STN1: variants seen among roughly 807,000 people sequenced by gnomAD.
STN1 encodes the protein STN1 subunit of CST complex.
In STN1, 29 loss-of-function variants were observed where a neutral mutation model predicts 45.5. That is an observed-to-expected ratio of 0.64 (90% CI 0.47 to 0.87). The LOEUF (loss-of-function observed/expected upper bound fraction) is 0.87. Ranked by LOEUF, STN1 falls within the 40% of genes least tolerant of loss-of-function variation. The pLI is 0.00. For synonymous variants in STN1, 148 were observed against 159.0 expected, an observed-to-expected ratio of 0.93 and a Z score of 0.52; for missense variants, 376 against 441.4, an observed-to-expected ratio of 0.85 and a Z score of 1.33.
In STN1 at chr10:103,910,568, A is replaced by T; in HGVS notation, c.188T>A (p.Val63Asp). 1 of 1,611,416 alleles carries T rather than the reference A, an allele frequency of 6.2e-7. No homozygotes were observed. Among genetic ancestry groups the T allele is most frequent in the South Asian group, 1.1e-5 (1 of 90,978 alleles). Residue 63 changes from valine to aspartate, a missense_variant, in exon 3 of 10, where the codon GTC becomes GAC. Coordinates refer to ENST00000224950, the MANE Select transcript of STN1 (RefSeq NM_024928.5). ...AGCATCTCTTTCTCTCACTCCAATG[A>T]CAGTTCCCAAGACATCTACCTGTTT... ...PIKQVDVLGT[V>D]IGVRERDAFY...
At chr10:103,910,389 G>T in intron 3 of STN1, 138 bp downstream of exon 3, 1 of 522,812 alleles carries the variant, frequency 1.9e-6, no homozygotes, top group Non-Finnish European at 3.5e-6. Flanking sequence ...GGCTATAAGG[G>T]GCACCCCATA....
In STN1 at chr10:103,880,517, ATCAGGAGCAAGCCTGGGG is replaced by A. The variant is rs368910386; in HGVS notation, c.*2149_*2166del. On this transcript the variant is annotated 3_prime_UTR_variant, in exon 10 of 10. Coordinates refer to ENST00000224950, the MANE Select transcript of STN1 (RefSeq NM_024928.5). ...AGGCATTTGGCTGCCTCATGTCACT[ATCAGGAGCAAGCCTGGGG>A]TCAGGAGTAATTGGGAGCCTGGCTT... 0.019 allele frequency among the ~76,000 whole-genome samples: 2,822 copies of A among 152,236 alleles called. 71 individuals carry two copies. Among genetic ancestry groups the A allele is most frequent in the African/African-American group, 0.065 (2,690 of 41,524 alleles).
intron 9 of STN1, 89 bp downstream of exon 9, chr10:103,888,983 G>T: frequency 1.1e-6 from 1 of 892,980 alleles, no homozygotes; most frequent in East Asian, 2.4e-5. Flanking sequence ...GAAAAGTCCC[G>T]GGTCTCCTGA....
Position 103,880,097 on chromosome 10 carries a change from C to T in STN1, c.*2587G>A, listed in dbSNP as rs1175408390. Among the ~76,000 whole-genome samples the T allele has an allele frequency of 1.3e-5, 2 of 152,204 alleles. No homozygotes were observed. Among genetic ancestry groups the T allele is most frequent in the African/African-American group, 2.4e-5 (1 of 41,458 alleles). On this transcript the variant is annotated 3_prime_UTR_variant, in exon 10 of 10. Coordinates refer to ENST00000224950, the MANE Select transcript of STN1 (RefSeq NM_024928.5). ...CTTCCACACTGGTTGAGTTCTTGCC[C>T]AGCACCAAAGAAGAATGAGAATGTG...
In STN1 at chr10:103,910,607, T is replaced by G. The variant is rs146909879; in HGVS notation, c.149A>C (p.Asn50Thr). The G allele has an allele frequency of 1.2e-6, 2 of 1,605,246 alleles. No individual in the cohort carries two copies. Among genetic ancestry groups the G allele is most frequent in the South Asian group, 2.2e-5 (2 of 90,760 alleles). Residue 50 changes from asparagine (N) to threonine (T), a missense_variant, in exon 3 of 10, where the codon AAT becomes ACT. Physicochemically the swap from Asn to Thr is moderately conservative, Grantham distance 65. Transcript: ENST00000224950. ...SRQVPGVFLY[N>T]GHPIKQVDVL... ...ATCTACCTGTTTTATTGGATGTCCA[T>G]TGTACAAAAATACACCTAAAATTTA... is the stretch of plus-strand genomic sequence containing the variant.
At chr10:103,899,983 T>A (rs745978437) in intron 5 of STN1, 79 bp downstream of exon 5, 61 of 1,412,810 alleles carry the variant, frequency 4.3e-5, no homozygotes, top group Non-Finnish European at 5.2e-5. Context: ...TTTGAAAGTT[T>A]GACTTCCAGC....
chr10:103,895,605 A>C (rs1301772662), intron 7 of STN1, among the ~76,000 whole-genome samples: 25 of 152,198 alleles, frequency 1.6e-4, no homozygotes, highest in Admixed American at 1.6e-3. Flanking sequence ...GTGTTTTCTG[A>C]AACGATATCC....
chr10:103,908,622 A>G (rs986755240), intron 3 of STN1, among the ~76,000 whole-genome samples: 14 of 152,206 alleles, frequency 9.2e-5, no homozygotes, highest in African/African-American at 3.4e-4. Context: ...TCTACTCTCA[A>G]TAATTTCAGC....
chr10:103,889,010 C>G, intron 9 of STN1, 62 bp downstream of exon 9: 1 of 1,185,462 alleles, frequency 8.4e-7, no homozygotes, highest in Non-Finnish European at 1.3e-6. Context: ...ATCCAGTGCT[C>G]CCCGGGAGAC....
At chr10:103,907,160 T>G (rs947120592) in intron 3 of STN1, among the ~76,000 whole-genome samples, 4 of 152,166 alleles carry the variant, frequency 2.6e-5, no homozygotes, top group African/African-American at 9.7e-5. Context: ...ATCCTTTGAC[T>G]TAACAATTAC....
At chr10:103,909,668 A>G (rs1843277882) in intron 3 of STN1, among the ~76,000 whole-genome samples, 1 of 151,856 alleles carries the variant, frequency 6.6e-6, no homozygotes, top group Non-Finnish European at 1.5e-5. Flanking sequence ...ATAATATTGT[A>G]TCTACAAATT....
intron 3 of STN1, among the ~76,000 whole-genome samples, chr10:103,906,222 A>C (rs993443146): frequency 1.2e-4 from 19 of 152,214 alleles, no homozygotes; most frequent in African/African-American, 4.6e-4. Flanking sequence ...TTAACCCTGG[A>C]CTTACAGTGG....
intron 9 of STN1, among the ~76,000 whole-genome samples, chr10:103,883,593 C>G (rs1046545427): frequency 6.6e-6 from 1 of 152,098 alleles, no homozygotes; most frequent in Non-Finnish European, 1.5e-5. Context: ...CCTACTCCTA[C>G]ATATTCACCT....
chr10:103,907,481 G>T (rs1309327156), intron 3 of STN1, among the ~76,000 whole-genome samples: 1 of 152,172 alleles, frequency 6.6e-6, no homozygotes, highest in Non-Finnish European at 1.5e-5. Context: ...CAATGTATAC[G>T]TTGACTGTAA....
intron 4 of STN1, among the ~76,000 whole-genome samples, chr10:103,901,515 C>G (rs1843210081): frequency 6.6e-6 from 1 of 152,196 alleles, no homozygotes; most frequent in Admixed American, 6.5e-5. Context: ...CTTGGGCAGG[C>G]TGCTTAACCT....
At chr10:103,916,295 G>A (rs1395149044) in intron 2 of STN1, among the ~76,000 whole-genome samples, 4 of 152,178 alleles carry the variant, frequency 2.6e-5, no homozygotes, top group African/African-American at 9.7e-5. Flanking sequence ...ACCTGCAGAA[G>A]ATCATTAAGC....
Position 103,909,520 on chromosome 10 carries a change from A to ATATATATGTATATATG in STN1, c.229+1006_229+1007insCATATATACATATATA, listed in dbSNP as rs1564635200. On this transcript the variant is annotated intron_variant, in intron 3 of 9. Coordinates refer to ENST00000224950, the MANE Select transcript of STN1 (RefSeq NM_024928.5). ...TGTATATGTATATATGTATATATGTATATATATGTACATATATATGTACAT... is the reference window on the plus strand; with the variant it reads ...TGTATATGTATATATGTATATATGTATATATATGTATATATGTATATATGTACATATATATGTACAT... 4.4e-3 allele frequency among the ~76,000 whole-genome samples: 63 copies of ATATATATGTATATATG among 14,458 alleles called. 15 individuals are homozygous for ATATATATGTATATATG. The East Asian group carries it at 0.12, about 27-fold the overall frequency. The allele number at this position is 14,458 out of a possible 152,430, so 9.5% of individuals were successfully genotyped here.
intron 7 of STN1, among the ~76,000 whole-genome samples, chr10:103,896,708 G>T (rs974251635): frequency 6.6e-6 from 1 of 151,694 alleles, no homozygotes; most frequent in Non-Finnish European, 1.5e-5. Context: ...TCTAATTTTT[G>T]TATTTTTAGT....
At chr10:103,904,936 G>A (rs555384314) in intron 4 of STN1, among the ~76,000 whole-genome samples, 155 bp downstream of exon 4, 28 of 152,330 alleles carry the variant, frequency 1.8e-4, no homozygotes, top group African/African-American at 6.5e-4. Flanking sequence ...AGTTTTCAGA[G>A]CAGCCAAAGC....
Sources: gnomAD v4.1 joint callset for allele counts (sites outside exome capture counted in the v4.1 genomes callset) on GRCh38, gnomAD v4.1.1 for gene constraint, MANE v1.5 for transcripts, NCBI Gene and HGNC (gene_info 2026-07-23, HGNC 2026-07-21) for gene names.